The following CD81 variants were observed in gnomAD, a reference collection of about 807,000 sequenced individuals.
CD81 encodes the protein CD81 molecule.
In CD81, 10 loss-of-function variants were observed where a neutral mutation model predicts 30.1. The observed-to-expected ratio is 0.33, with a 90% CI of 0.21 to 0.56. CD81 has a LOEUF of 0.56. CD81 is among the 20% of genes least tolerant of loss of function. The pLI is 0.89. For missense variants in CD81, 263 were observed against 308.7 expected, an observed-to-expected ratio of 0.85 and a Z score of 1.11; for synonymous variants, 147 against 126.4, an observed-to-expected ratio of 1.16 and a Z score of -1.10.
chr11:2,388,685 C>T (rs1377742921), intron 1 of CD81, among the ~76,000 whole-genome samples: 1 of 152,212 alleles, frequency 6.6e-6, no homozygotes, highest in African/African-American at 2.4e-5. Flanking sequence ...CTGGGAGCAG[C>T]TGCCTTCTGG....
chr11:2,395,410 C>G lies in CD81; in HGVS notation c.355-6C>G, dbSNP rs547921517. The G allele has an allele frequency of 4.3e-6, 7 of 1,609,882 alleles. No individual in the cohort carries two copies. The South Asian group carries it at 4.4e-5, about 10-fold the overall frequency. ...CCCTGTGCATGTGACCGCACCCCTC[C>G]CCCAGATCGCCAAGGATGTGAAGCA... On this transcript the variant is annotated splice_polypyrimidine_tract_variant and splice_region_variant and intron_variant, in intron 4 of 7. Coordinates refer to ENST00000263645, the MANE Select transcript of CD81 (RefSeq NM_004356.4).
At chr11:2,389,957 G>C (rs1426427979) in intron 1 of CD81, 2 of 320,474 alleles carry the variant, frequency 6.2e-6, no homozygotes, top group Non-Finnish European at 1.2e-5. Context: ...AGTGTTCCTG[G>C]GATGCTCAGG....
In CD81 at chr11:2,395,942, G is replaced by A. The variant is rs1446301729; in HGVS notation, c.533G>A (p.Gly178Asp). 9 of 1,611,900 alleles carry A rather than the reference G, an allele frequency of 5.6e-6. No individual in the cohort carries two copies. The highest frequency in any genetic ancestry group is 6.8e-6 in the Non-Finnish European group (8 of 1,179,410). ...CTCAAGAACAATTTGTGTCCCTCGG[G>A]CAGCAACATCATCAGCAACCTCTTC... ...SVLKNNLCPS[G>D]SNIISNLFKE... Residue 178 changes from glycine to aspartate, a missense_variant, in exon 6 of 8, where the codon GGC becomes GAC. This residue lies in a region of CD81 where 176 missense variants were observed against 192.9 expected (regional missense o/e 0.91). Transcript: ENST00000263645.
chr11:2,396,219 C>T (rs1440742101), intron 6 of CD81: 4 of 589,272 alleles, frequency 6.8e-6, no homozygotes, highest in Non-Finnish European at 1.2e-5. Context: ...AACTCACCTG[C>T]ACCCCCAGCT....
intron 1 of CD81, chr11:2,386,782 C>T: frequency 3.1e-6 from 2 of 642,640 alleles, no homozygotes; most frequent in Middle Eastern, 2.6e-4. Flanking sequence ...CCTCCCACCC[C>T]CTCCTGGCCC....
intron 2 of CD81, 48 bp downstream of exon 2, chr11:2,390,574 G>A (rs1849881082): frequency 7.4e-7 from 1 of 1,343,912 alleles, no homozygotes; most frequent in Non-Finnish European, 1.1e-6. Flanking sequence ...GCTTCTAGGA[G>A]GAGGCAGGTC....
intron 1 of CD81, among the ~76,000 whole-genome samples, chr11:2,382,042 T>C (rs1849712881): frequency 2.0e-5 from 3 of 152,208 alleles, no homozygotes; most frequent in Admixed American, 6.5e-5. Context: ...GAGAGACCCT[T>C]GAGGGTCCTC....
rs1849634131 is a variant in CD81, at chr11:2,378,210, G to A, written c.66+595G>A. On this transcript the variant is annotated intron_variant, in intron 1 of 7. Coordinates refer to ENST00000263645, the MANE Select transcript of CD81 (RefSeq NM_004356.4). The surrounding 1 kb of genome is among the most constrained non-coding windows in gnomAD (Gnocchi z 4.9). ...ACCTTCCTGGGGGTCGCGCCTAAAA[G>A]GAGCGCAGACTCCCGCCGGGATGGC... 6.6e-6 allele frequency among the ~76,000 whole-genome samples: 1 copy of A among 151,960 alleles called. No homozygotes were observed. The highest frequency in any genetic ancestry group is 1.5e-5 in the Non-Finnish European group (1 of 67,974).
chr11:2,396,585 C>A, intron 6 of CD81, 43 bp from the exon 7 acceptor site: 1 of 1,521,472 alleles, frequency 6.6e-7, no homozygotes. Flanking sequence ...AGCCGGGAGC[C>A]GAGGCCCGGT....
At chr11:2,393,940 G>A in intron 2 of CD81, 155 bp from the exon 3 acceptor site, 1 of 712,466 alleles carries the variant, frequency 1.4e-6, no homozygotes, top group Admixed American at 2.0e-5. Flanking sequence ...AGGCCAGGCT[G>A]GGATGTGAGG....
chr11:2,385,264 T>C (rs1849770865), intron 1 of CD81, among the ~76,000 whole-genome samples: 1 of 151,948 alleles, frequency 6.6e-6, no homozygotes, highest in Non-Finnish European at 1.5e-5. Context: ...ACTTGGTAAG[T>C]TTTGACAAAT....
At chr11:2,386,317 T>A in intron 1 of CD81, 1 of 630,580 alleles carries the variant, frequency 1.6e-6, no homozygotes, top group Non-Finnish European at 2.9e-6. Context: ...TTTACCAGGC[T>A]CTGCCCCAGG....
chr11:2,390,014 A>G (rs74050520), intron 1 of CD81: 21,643 of 355,182 alleles, frequency 0.061, 2,821 homozygotes, highest in African/African-American at 0.34. Flanking sequence ...ACTACAGGGC[A>G]TCCAATTCAC....
chr11:2,377,635 C>T lies in CD81; in HGVS notation c.66+20C>T. 6.6e-7 allele frequency: 1 copy of T among 1,511,218 alleles called. No homozygotes were observed. The highest frequency in any genetic ancestry group is 1.4e-5 in the African/African-American group (1 of 69,916). 93.6% of individuals were successfully genotyped at this position (1,511,218 alleles called of 1,614,324 possible). On this transcript the variant is annotated intron_variant, in intron 1 of 7. Transcript: ENST00000263645. The surrounding 1 kb of genome is among the most constrained non-coding windows in gnomAD (Gnocchi z 7.7). ...TTCTGGGTAAGGGCTGCGCCGGGGG[C>T]CGGGGCGGGAGGGGGCAGGCACACA...
chr11:2,387,538 AC>A (rs1423225711), intron 1 of CD81, among the ~76,000 whole-genome samples: 1 of 151,494 alleles, frequency 6.6e-6, no homozygotes, highest in South Asian at 2.1e-4. Context: ...CTCTGGGGCC[AC>A]CCCCCAGCCC....
intron 1 of CD81, among the ~76,000 whole-genome samples, chr11:2,383,917 T>C (rs898825653): frequency 6.6e-6 from 1 of 151,888 alleles, no homozygotes; most frequent in African/African-American, 2.4e-5. Flanking sequence ...CCTGGAGAGC[T>C]CCCACCCGAA....
At chr11:2,386,177 C>CTT (rs1320715403) in intron 1 of CD81, 20 of 717,178 alleles carry the variant, frequency 2.8e-5, no homozygotes, top group Non-Finnish European at 5.2e-5. Flanking sequence ...TCTTCATGTG[C>CTT]TTTTTTGCTG....
chr11:2,389,206 C>A (rs1411474337), intron 1 of CD81, among the ~76,000 whole-genome samples: 1 of 152,164 alleles, frequency 6.6e-6, no homozygotes, highest in Non-Finnish European at 1.5e-5. Flanking sequence ...CAGCCCCCAC[C>A]CTGTCTAGCA....
chr11:2,376,282 A>T (rs922252172), upstream of CD81: 1 of 152,266 alleles, frequency 6.6e-6, no homozygotes, highest in Non-Finnish European at 1.5e-5. Context: ...ATCAGCTAGC[A>T]CTGGGTTGGA....
Sources: allele counts gnomAD v4.1 joint callset (sites outside exome capture counted in the v4.1 genomes callset), GRCh38; gene constraint gnomAD v4.1.1; regional missense constraint gnomAD v4.1.1; non-coding constraint Gnocchi (gnomAD v3.1); transcripts MANE v1.5; gene names NCBI Gene and HGNC (gene_info 2026-07-23, HGNC 2026-07-21).